ZMYND8: variants seen among roughly 807,000 people sequenced by gnomAD.
The protein encoded by ZMYND8 is MYND-type zinc finger-containing chromatin reader ZMYND8.
ZMYND8 carries 37 observed loss-of-function variants against 140.8 expected under a neutral mutation model. That is an observed-to-expected ratio of 0.26 (90% CI 0.20 to 0.35). The LOEUF is 0.35. Among genes scored for constraint, ZMYND8 ranks in the 10% least tolerant of loss-of-function variants. The pLI, the probability that ZMYND8 is intolerant of heterozygous loss-of-function variation, is 1.00. For synonymous variants in ZMYND8, 592 were observed against 597.1 expected (o/e 0.99, Z 0.12); for missense variants, 1,068 against 1,570.0 (o/e 0.68, Z 5.40).
At chr20:47,319,067 G>A in intron 2 of ZMYND8, 1 of 1,340,206 alleles carries the variant, frequency 7.5e-7, no homozygotes, top group South Asian at 1.2e-5. Context: ...CTCTCCCAGG[G>A]GGAGGAGGAA....
chr20:47,306,205 A>G (rs1047254689), intron 3 of ZMYND8, among the ~76,000 whole-genome samples: 1 of 152,138 alleles, frequency 6.6e-6, no homozygotes, highest in Non-Finnish European at 1.5e-5. Flanking sequence ...CAGGGCAAGA[A>G]AGAAAGTGAG....
intron 12 of ZMYND8, among the ~76,000 whole-genome samples, chr20:47,255,708 T>G: frequency 8.7e-6 from 1 of 115,072 alleles, no homozygotes; most frequent in Non-Finnish European, 1.7e-5. Context: ...TATATATATA[T>G]ACCGTGTATG....
chr20:47,343,311 G>A (rs1057254954), intron 2 of ZMYND8, among the ~76,000 whole-genome samples: 10 of 152,062 alleles, frequency 6.6e-5, no homozygotes, highest in Non-Finnish European at 1.3e-4. Context: ...ACCCCACAAC[G>A]ATGGAGTCTG....
intron 2 of ZMYND8, among the ~76,000 whole-genome samples, chr20:47,338,847 G>A (rs1419191031): frequency 6.6e-6 from 1 of 152,022 alleles, no homozygotes; most frequent in Admixed American, 6.6e-5. Flanking sequence ...TTCTTCAAAT[G>A]TCACAGAGGC....
At chr20:47,346,775 T>C (rs2082368156) in intron 2 of ZMYND8, among the ~76,000 whole-genome samples, 1 of 152,114 alleles carries the variant, frequency 6.6e-6, no homozygotes, top group African/African-American at 2.4e-5. Context: ...CCCGACTAAT[T>C]TTTGTATTTT....
chr20:47,261,826 C>T (rs552550627), intron 12 of ZMYND8, among the ~76,000 whole-genome samples: 1 of 152,226 alleles, frequency 6.6e-6, no homozygotes, highest in South Asian at 2.1e-4. Context: ...CATCCCATTA[C>T]TTTTGGAGGC....
At chr20:47,250,142 C>A (rs1243934604) in intron 12 of ZMYND8, among the ~76,000 whole-genome samples, 2 of 152,170 alleles carry the variant, frequency 1.3e-5, no homozygotes, top group African/African-American at 2.4e-5. Context: ...AGTTCCCAGG[C>A]AGAGGCCTCT....
At chr20:47,247,215 A>C (rs556718970) in intron 13 of ZMYND8, among the ~76,000 whole-genome samples, 1 of 152,332 alleles carries the variant, frequency 6.6e-6, no homozygotes, top group Middle Eastern at 3.4e-3. Context: ...AAATCAAAGC[A>C]GGGGCTTCTG....
At chr20:47,287,837 A>C (rs557168010) in intron 7 of ZMYND8, among the ~76,000 whole-genome samples, 4 of 89,906 alleles carry the variant, frequency 4.4e-5, no homozygotes, top group Admixed American at 1.0e-4. Flanking sequence ...AGAAAAAAAC[A>C]ACACACACAC....
intron 2 of ZMYND8, among the ~76,000 whole-genome samples, chr20:47,346,779 G>A (rs1038048748): frequency 6.6e-6 from 1 of 152,118 alleles, no homozygotes; most frequent in Non-Finnish European, 1.5e-5. Context: ...ACTAATTTTT[G>A]TATTTTTAGT....
In ZMYND8 at chr20:47,239,155, G is replaced by GA. The variant is rs778459806; in HGVS notation, c.2285-18dup. The GA allele has an allele frequency of 2.7e-6, 4 of 1,482,748 alleles. No homozygotes were observed. Among genetic ancestry groups the GA allele is most frequent in the Non-Finnish European group, 3.6e-6 (4 of 1,121,932 alleles). The allele number at this position is 1,482,748 out of a possible 1,614,324, so 91.8% of individuals were successfully genotyped here. A position where few individuals can be genotyped will look rare whatever the true frequency, so the allele number is the denominator to read the frequency against. ...TACCTACAACTAGCCAATGCATGAAGAAAAAACAAACAAAAACCGGATTTC... is the reference window on the plus strand; with the variant it reads ...TACCTACAACTAGCCAATGCATGAAGAAAAAAACAAACAAAAACCGGATTTC... On this transcript the variant is annotated splice_polypyrimidine_tract_variant and intron_variant, in intron 14 of 22. Transcript: ENST00000471951.
At chr20:47,219,055 ATTTTTTTT>A (rs3092175) in intron 21 of ZMYND8, among the ~76,000 whole-genome samples, 3 of 110,944 alleles carry the variant, frequency 2.7e-5, no homozygotes, top group Non-Finnish European at 3.7e-5. Flanking sequence ...CGTTTCTACA[ATTTTTTTT>A]TTTTTTTTTT....
intron 11 of ZMYND8, among the ~76,000 whole-genome samples, chr20:47,264,774 C>G (rs1204742993): frequency 6.6e-6 from 1 of 152,108 alleles, no homozygotes; most frequent in African/African-American, 2.4e-5. Flanking sequence ...GTGGTTCACC[C>G]CTGTAATCCC....
chr20:47,211,525 C>T (rs1285706521), intron 22 of ZMYND8, among the ~76,000 whole-genome samples: 2 of 152,012 alleles, frequency 1.3e-5, no homozygotes, highest in Admixed American at 1.3e-4. Flanking sequence ...TTCAAGGACA[C>T]ATGGACAAGG....
intron 7 of ZMYND8, among the ~76,000 whole-genome samples, chr20:47,289,158 G>C (rs1044775876): frequency 1.3e-5 from 2 of 152,102 alleles, no homozygotes; most frequent in Non-Finnish European, 2.9e-5. Context: ...TATCTGAATA[G>C]ATGTTTACAA....
intron 6 of ZMYND8, among the ~76,000 whole-genome samples, chr20:47,290,566 G>T (rs1285252332): frequency 6.6e-6 from 1 of 150,538 alleles, no homozygotes; most frequent in Non-Finnish European, 1.5e-5. Context: ...CAATAAACAG[G>T]ATAGTTTATT....
intron 9 of ZMYND8, 137 bp from the exon 10 acceptor site, chr20:47,282,354 C>G: frequency 1.5e-6 from 1 of 666,596 alleles, no homozygotes; most frequent in Non-Finnish European, 2.5e-6. Flanking sequence ...CAGGGTCGGC[C>G]TGTGTGGTAT....
chr20:47,299,571 TTTTTTTC>T (rs1443752333), intron 3 of ZMYND8, among the ~76,000 whole-genome samples: 1 of 152,188 alleles, frequency 6.6e-6, no homozygotes, highest in Non-Finnish European at 1.5e-5. Context: ...TACCTAATTT[TTTTTTTC>T]TTTTTCTTTT....
At chr20:47,352,389 C>T (rs2082862026) in intron 1 of ZMYND8, 2 of 937,690 alleles carry the variant, frequency 2.1e-6, no homozygotes, top group Middle Eastern at 5.4e-4. Flanking sequence ...AGCAGCCAGT[C>T]CTAAGACAGT....
Sources: allele counts gnomAD v4.1 joint callset (sites outside exome capture counted in the v4.1 genomes callset), GRCh38; gene constraint gnomAD v4.1.1; transcripts MANE v1.5; gene names NCBI Gene and HGNC (gene_info 2026-07-23, HGNC 2026-07-21).